COL9A2: variants seen among roughly 807,000 people sequenced by gnomAD.
The protein encoded by COL9A2 is collagen type IX alpha 2 chain.
A neutral mutation model predicts 111.6 loss-of-function variants in COL9A2; 66 were observed. That is an observed-to-expected ratio of 0.59 (90% CI 0.48 to 0.73). COL9A2 has a LOEUF of 0.73. COL9A2 is among the 30% of genes least tolerant of loss of function. COL9A2 has a pLI of 0.00. For missense variants in COL9A2, 881 were observed against 954.1 expected (o/e 0.92, Z 1.01); for synonymous variants, 353 against 364.1 (o/e 0.97, Z 0.35).
chr1:40,304,526 C>T lies in COL9A2; in HGVS notation c.1165G>A (p.Asp389Asn), dbSNP rs1386982629. 5.0e-6 allele frequency: 8 copies of T among 1,614,094 alleles called. No individual in the cohort carries two copies. The highest frequency in any genetic ancestry group is 5.9e-6 in the Non-Finnish European group (7 of 1,180,044). ...CCCACTGGACCCCTCTCGCCTTGGT[C>T]ACCCTGAAATGGAAAGAGAAGGTCA... ...GPQGIMGQKG[D>N]QGERGPVGQP... Residue 389 changes from aspartate to asparagine, a missense_variant, in exon 23 of 32, where the codon GAC becomes AAC. Asp to Asn is a conservative substitution (Grantham distance 23, BLOSUM62 1). Transcript: ENST00000372748.
In COL9A2 at chr1:40,303,707, G is replaced by C. The variant is rs1404397939; in HGVS notation, c.1402-31C>G. ...GGGGGATGGGGGTGGGAGCAGAGCC[G>C]GGTGAGAAGGCGCCCGGGTGGGCGA... On this transcript the variant is annotated intron_variant, in intron 27 of 31. Transcript: ENST00000372748. The surrounding 1 kb of genome is among the most constrained non-coding windows in gnomAD (Gnocchi z 4.6). 2.6e-6 allele frequency: 4 copies of C among 1,547,992 alleles called. No individual in the cohort carries two copies. The highest frequency in any genetic ancestry group is 1.4e-5 in the African/African-American group (1 of 72,894).
Position 40,310,615 on chromosome 1 carries a change from T to A in COL9A2, c.684+99A>T. On this transcript the variant is annotated intron_variant, in intron 13 of 31. Transcript: ENST00000372748. The surrounding 1 kb of genome is among the most constrained non-coding windows in gnomAD (Gnocchi z 4.9). ...AGAGATGCTCCCAGCTAGACACAGG[T>A]GTCTCTTTTACAAGCTAGAGGCCTG... 1.8e-6 allele frequency: 2 copies of A among 1,090,352 alleles called. No homozygotes were observed. Among genetic ancestry groups the A allele is most frequent in the Middle Eastern group, 2.4e-4 (1 of 4,126 alleles). 67.5% of individuals were successfully genotyped at this position (1,090,352 alleles called of 1,614,324 possible).
At position 40,310,465 on chromosome 1, in the gene COL9A2, G is replaced by A; in HGVS notation, c.685-148C>T. 1 of 898,870 alleles carries A rather than the reference G, an allele frequency of 1.1e-6. No individual in the cohort carries two copies. The highest frequency in any genetic ancestry group is 1.4e-5 in the South Asian group (1 of 71,308). 55.7% of individuals were successfully genotyped at this position (898,870 alleles called of 1,614,324 possible). ...GGATGGGACATGGAGGTTCAGAGAT[G>A]AGGAGGGACTCACTGCATTACTCAA... On this transcript the variant is annotated intron_variant, in intron 13 of 31. Transcript: ENST00000372748. This position sits in a 1 kb window ranked among gnomAD's most constrained non-coding sequence, Gnocchi z 4.9.
At chr1:40,309,906 C>T (rs1263321323) in intron 16 of COL9A2, 32 bp downstream of exon 16, 1 of 1,612,028 alleles carries the variant, frequency 6.2e-7, no homozygotes, top group Non-Finnish European at 8.5e-7. Flanking sequence ...CCCCAGGGGT[C>T]CTGACTGAAC....
intron 2 of COL9A2, 81 bp downstream of exon 2, chr1:40,315,508 TC>T: frequency 7.2e-7 from 1 of 1,392,694 alleles, no homozygotes; most frequent in Non-Finnish European, 9.7e-7. Context: ...CACCCCGAAG[TC>T]CCCACCCCCA....
chr1:40,300,879 T>G lies in COL9A2; in HGVS notation c.*303A>C. ...GATGGCCAGTGGAGAAAGGTGCAGATTAAGATGTTTGTTTTGGTAACAGCC... is the reference window on the plus strand; with the variant it reads ...GATGGCCAGTGGAGAAAGGTGCAGAGTAAGATGTTTGTTTTGGTAACAGCC... On this transcript the variant is annotated 3_prime_UTR_variant, in exon 32 of 32. Transcript: ENST00000372748. The surrounding 1 kb of genome is among the most constrained non-coding windows in gnomAD (Gnocchi z 4.4). 1.1e-5 allele frequency: 4 copies of G among 366,376 alleles called. No homozygotes were observed. The highest frequency in any genetic ancestry group is 5.3e-5 in the East Asian group (1 of 19,032). 22.7% of individuals were successfully genotyped at this position (366,376 alleles called of 1,614,324 possible). A position where few individuals can be genotyped will look rare whatever the true frequency, so the allele number is the denominator to read the frequency against.
intron 21 of COL9A2, 84 bp from the exon 22 acceptor site, chr1:40,304,931 G>T: frequency 8.1e-7 from 1 of 1,236,770 alleles, no homozygotes; most frequent in Non-Finnish European, 1.1e-6. Flanking sequence ...CCTACCCTGG[G>T]TCTCAGCTAA....
chr1:40,302,230 A>G lies in COL9A2; in HGVS notation c.1793-341T>C, dbSNP rs6675268. On this transcript the variant is annotated intron_variant, in intron 30 of 31. Transcript: ENST00000372748. The surrounding 1 kb of genome is among the most constrained non-coding windows in gnomAD (Gnocchi z 4.5). The stretch of plus-strand genomic sequence containing the variant: ...CTTTCAGTGTCCCCATTTTACAGAT[A>G]GTAAACCTAAGGCCCAGGGAAATTA... Among the ~76,000 whole-genome samples the G allele has an allele frequency of 0.07, 10,596 of 152,146 alleles. 736 individuals are homozygous for G. The highest frequency in any genetic ancestry group is 0.18 in the African/African-American group (7,670 of 41,460).
At position 40,310,121 on chromosome 1, in the gene COL9A2, G is replaced by T; in HGVS notation, c.782C>A (p.Thr261Asn). The T allele has an allele frequency of 6.2e-7, 1 of 1,614,060 alleles. No homozygotes were observed. Among genetic ancestry groups the T allele is most frequent in the Non-Finnish European group, 8.5e-7 (1 of 1,179,930 alleles). ...CAAAAAGAGGCTTACCGGTGGCCCA[G>T]TGGCACCGATAGCGCCCACCATGCC... is the stretch of plus-strand genomic sequence containing the variant. ...YKGMVGAIGA[T>N]GPPGEEGPRG... The change falls in exon 15 of 32, where the codon ACT (threonine) becomes AAT (asparagine). Residue 261 changes from threonine to asparagine, a missense_variant. Thr to Asn is a moderately conservative substitution (Grantham distance 65). Coordinates refer to ENST00000372748, the MANE Select transcript of COL9A2 (RefSeq NM_001852.4). The surrounding 1 kb of genome is among the most constrained non-coding windows in gnomAD (Gnocchi z 4.9).
rs1223063953 is a variant in COL9A2 at position 40,311,070 on chromosome 1, C to T, written c.630+23G>A. 6.2e-7 allele frequency: 1 copy of T among 1,613,654 alleles called. No homozygotes were observed. Among genetic ancestry groups the T allele is most frequent in the Non-Finnish European group, 8.5e-7 (1 of 1,179,932 alleles). On this transcript the variant is annotated intron_variant, in intron 12 of 31. Transcript: ENST00000372748. The surrounding 1 kb of genome is among the most constrained non-coding windows in gnomAD (Gnocchi z 5.1). ...ACCATCTCCACGTATCCCTGACCCA[C>T]AGCCCTCAGCCCTTGCACTCACCGG...
intron 31 of COL9A2, 98 bp downstream of exon 31, chr1:40,301,714 C>T: frequency 8.4e-7 from 1 of 1,187,710 alleles, no homozygotes; most frequent in Non-Finnish European, 1.2e-6. Flanking sequence ...ACTGAGCTGG[C>T]TGAGCGTGAG....
Position 40,312,505 on chromosome 1 carries a change from C to T in COL9A2, c.340-26G>A, listed in dbSNP as rs1306371048. ...CTGGAACAGAAAGAAAGAAAATTGG[C>T]TTCATGGCTCCCTCTGCAGGTCCCC... On this transcript the variant is annotated intron_variant, in intron 6 of 31. Transcript: ENST00000372748. This position sits in a 1 kb window ranked among gnomAD's most constrained non-coding sequence, Gnocchi z 6.0. The T allele has an allele frequency of 6.2e-7, 1 of 1,613,918 alleles. No individual in the cohort carries two copies. Among genetic ancestry groups the T allele is most frequent in the Non-Finnish European group, 8.5e-7 (1 of 1,179,914 alleles).
At position 40,303,706 on chromosome 1, in the gene COL9A2, C is replaced by A; in HGVS notation, c.1402-30G>T. On this transcript the variant is annotated intron_variant, in intron 27 of 31. Coordinates refer to ENST00000372748, the MANE Select transcript of COL9A2 (RefSeq NM_001852.4). This position sits in a 1 kb window ranked among gnomAD's most constrained non-coding sequence, Gnocchi z 4.6. ...GGGGGGATGGGGGTGGGAGCAGAGC[C>A]GGGTGAGAAGGCGCCCGGGTGGGCG... The A allele has an allele frequency of 8.5e-7, 1 of 1,181,300 alleles. No homozygotes were observed. The highest frequency in any genetic ancestry group is 1.1e-6 in the Non-Finnish European group (1 of 887,792). 73.2% of individuals were successfully genotyped at this position (1,181,300 alleles called of 1,614,324 possible). A position where few individuals can be genotyped will look rare whatever the true frequency, so the allele number is the denominator to read the frequency against.
chr1:40,304,952 C>T, intron 21 of COL9A2, 105 bp from the exon 22 acceptor site: 1 of 968,310 alleles, frequency 1.0e-6, no homozygotes, highest in Non-Finnish European at 1.5e-6. Flanking sequence ...TTTGCTTCAT[C>T]AGGGAAGGTT....
chr1:40,304,656 C>T (rs1289635190), intron 22 of COL9A2, 127 bp from the exon 23 acceptor site: 24 of 1,402,396 alleles, frequency 1.7e-5, no homozygotes, highest in Non-Finnish European at 2.1e-5. Context: ...GGTCCTTTCT[C>T]CACTTGGCAG....
Position 40,311,395 on chromosome 1 carries a change from A to G in COL9A2, c.519+105T>C. 6 of 1,572,690 alleles carry G rather than the reference A, an allele frequency of 3.8e-6. No individual in the cohort carries two copies. Among genetic ancestry groups the G allele is most frequent in the Non-Finnish European group, 5.2e-6 (6 of 1,153,188 alleles). On this transcript the variant is annotated intron_variant, in intron 10 of 31. Transcript: ENST00000372748. The surrounding 1 kb of genome is among the most constrained non-coding windows in gnomAD (Gnocchi z 5.1). ...TCACCTGGTGGAACCCCTGCACTGC[A>G]GCCCCTCCCCATCTCTCCAGACACC...
chr1:40,300,856 T>C lies in COL9A2; in HGVS notation c.*326A>G, dbSNP rs1036267607. ...ATGTCCCACTGACCCAAGGACAAGA[T>C]GGCCAGTGGAGAAAGGTGCAGATTA... On this transcript the variant is annotated 3_prime_UTR_variant, in exon 32 of 32. Transcript: ENST00000372748. The surrounding 1 kb of genome is among the most constrained non-coding windows in gnomAD (Gnocchi z 4.4). 7.1e-6 allele frequency: 2 copies of C among 282,392 alleles called. No individual in the cohort carries two copies. Among genetic ancestry groups the C allele is most frequent in the Non-Finnish European group, 1.4e-5 (2 of 145,874 alleles). 17.5% of individuals were successfully genotyped at this position (282,392 alleles called of 1,614,324 possible).
Position 40,303,273 on chromosome 1 carries a change from G to T in COL9A2, c.1549-88C>A. On this transcript the variant is annotated intron_variant, in intron 28 of 31. Coordinates refer to ENST00000372748, the MANE Select transcript of COL9A2 (RefSeq NM_001852.4). This position sits in a 1 kb window ranked among gnomAD's most constrained non-coding sequence, Gnocchi z 4.6. ...CCTGGCTGAGCGTGAGGCCGCCATG[G>T]AGGAGACTCTGGTGTTGAGTCATTA... The T allele has an allele frequency of 7.4e-7, 1 of 1,352,178 alleles. No individual in the cohort carries two copies. Among genetic ancestry groups the T allele is most frequent in the Non-Finnish European group, 1.0e-6 (1 of 963,946 alleles). 83.8% of individuals were successfully genotyped at this position (1,352,178 alleles called of 1,614,324 possible).
Position 40,303,986 on chromosome 1 carries a change from C to T in COL9A2, c.1324-14G>A, listed in dbSNP as rs1490879718. 19 of 1,568,572 alleles carry T rather than the reference C, an allele frequency of 1.2e-5. No individual in the cohort carries two copies. The highest frequency in any genetic ancestry group is 1.6e-5 in the Non-Finnish European group (18 of 1,156,334). ...CCCTGGGTCACCCTGCAGAGAGAAC[C>T]ACGGGTCAGACGCGCGGTGGCGGCG... On this transcript the variant is annotated splice_polypyrimidine_tract_variant and intron_variant, in intron 25 of 31. Transcript: ENST00000372748. The surrounding 1 kb of genome is among the most constrained non-coding windows in gnomAD (Gnocchi z 4.6).
Sources: gnomAD v4.1 joint callset for allele counts (sites outside exome capture counted in the v4.1 genomes callset) on GRCh38, gnomAD v4.1.1 for gene constraint, Gnocchi (gnomAD v3.1) non-coding constraint, MANE v1.5 for transcripts, NCBI Gene and HGNC (gene_info 2026-07-23, HGNC 2026-07-21) for gene names.